Variants in SIRT5 observed in about 807,000 individuals in gnomAD.
SIRT5 encodes the protein NAD-dependent protein deacylase sirtuin-5, mitochondrial.
In SIRT5, 26 loss-of-function variants were observed where a neutral mutation model predicts 40.0. The ratio of observed to expected loss-of-function variants is 0.65; its 90% CI spans 0.48 to 0.90. SIRT5 has a LOEUF of 0.90. SIRT5 is among the 40% of genes least tolerant of loss of function. The pLI, the probability that SIRT5 is intolerant of heterozygous loss-of-function variation, is 0.00. For synonymous variants in SIRT5, 146 were observed against 149.1 expected (o/e 0.98, Z 0.15); for missense variants, 401 against 402.4 (o/e 1.00, Z 0.03).
At chr6:13,602,681 A>G (rs1762557747) in intron 9 of SIRT5, among the ~76,000 whole-genome samples, 1 of 152,216 alleles carries the variant, frequency 6.6e-6, no homozygotes, top group African/African-American at 2.4e-5. Flanking sequence ...GTGGCAAGAC[A>G]ATTTGATGAA....
intron 4 of SIRT5, among the ~76,000 whole-genome samples, chr6:13,591,101 A>G (rs1427190577): frequency 1.3e-5 from 2 of 151,180 alleles, no homozygotes; most frequent in Non-Finnish European, 3.0e-5. Context: ...GTGTGTGTGT[A>G]GATATGTGTA....
intron 5 of SIRT5, among the ~76,000 whole-genome samples, chr6:13,594,744 C>G (rs1046587161): frequency 6.6e-6 from 1 of 152,210 alleles, no homozygotes; most frequent in Non-Finnish European, 1.5e-5. Flanking sequence ...GACGGAGCAG[C>G]GCATGTCCAC....
At chr6:13,581,241 C>T (rs1272421075) in intron 2 of SIRT5, among the ~76,000 whole-genome samples, 3 of 152,212 alleles carry the variant, frequency 2.0e-5, no homozygotes, top group African/African-American at 7.2e-5. Flanking sequence ...CAGGATCCCA[C>T]GTAGCATTTA....
Position 13,584,119 on chromosome 6 carries a change from T to C in SIRT5, c.9T>C (p.Pro3=). 1 of 1,613,950 alleles carries C rather than the reference T, an allele frequency of 6.2e-7. No individual in the cohort carries two copies. Among genetic ancestry groups the C allele is most frequent in the Non-Finnish European group, 8.5e-7 (1 of 1,179,866 alleles). Residue 3 remains proline (P), a synonymous_variant, in exon 3 of 10, where the codon CCT becomes CCC. Coordinates refer to ENST00000606117, the MANE Select transcript of SIRT5 (RefSeq NM_012241.5). ...ACTACAGACAAACCCTGATGCGACC[T>C]CTCCAGATTGTCCCAAGTCGATTGA... is the stretch of plus-strand genomic sequence containing the variant. MR[P]LQIVPSRLIS...
chr6:13,605,659 C>T (rs199666567), intron 9 of SIRT5: 3 of 985,290 alleles, frequency 3.0e-6, no homozygotes, highest in Non-Finnish European at 3.6e-6. Flanking sequence ...TTGTCGTTTT[C>T]CCCATGTCCG....
intron 9 of SIRT5, among the ~76,000 whole-genome samples, chr6:13,609,535 C>T (rs886396012): frequency 6.6e-6 from 1 of 152,174 alleles, no homozygotes; most frequent in Non-Finnish European, 1.5e-5. Flanking sequence ...TTTAGATCAA[C>T]GTGGAATGTT....
In SIRT5 at chr6:13,591,999, G is replaced by A. The variant is rs573684257; in HGVS notation, c.475+105G>A. 43 of 1,067,386 alleles carry A rather than the reference G, an allele frequency of 4.0e-5. No individual in the cohort carries two copies. In the African/African-American group the frequency reaches 5.5e-4, roughly 14 times the overall value. 66.1% of individuals were successfully genotyped at this position (1,067,386 alleles called of 1,614,324 possible). A position where few individuals can be genotyped will look rare whatever the true frequency, so the allele number is the denominator to read the frequency against. On this transcript the variant is annotated intron_variant, in intron 5 of 9. Transcript: ENST00000606117. ...TTCCCTCCCTCCCTGCTGGACATCCGTCCTGTCCTATAGGATGCTGTGGCA... is the reference window on the plus strand; with the variant it reads ...TTCCCTCCCTCCCTGCTGGACATCCATCCTGTCCTATAGGATGCTGTGGCA...
chr6:13,596,984 A>G lies in SIRT5; in HGVS notation c.585A>G (p.Gln195=), dbSNP rs768515809. 1 of 1,612,520 alleles carries G rather than the reference A, an allele frequency of 6.2e-7. No individual in the cohort carries two copies. The highest frequency in any genetic ancestry group is 8.5e-7 in the Non-Finnish European group (1 of 1,179,622). The part of the protein sequence containing the change: ...SGKGAPEPGT[Q]DASIPVEKLP... ...TCAGTGCTCCAGAACCTGGAACTCA[A>G]GATGCCAGCATCCCAGTTGAGAAAC... Residue 195 remains glutamine, a synonymous_variant, in exon 7 of 10, where the codon CAA becomes CAG. Coordinates refer to ENST00000606117, the MANE Select transcript of SIRT5 (RefSeq NM_012241.5).
chr6:13,593,204 G>A (rs1466995016), intron 5 of SIRT5, among the ~76,000 whole-genome samples: 1 of 152,142 alleles, frequency 6.6e-6, no homozygotes, highest in Non-Finnish European at 1.5e-5. Context: ...GAGCCACTGT[G>A]CCAGCCAAAA....
intron 1 of SIRT5, among the ~76,000 whole-genome samples, chr6:13,576,025 A>G (rs1183792223): frequency 6.6e-6 from 1 of 152,198 alleles, no homozygotes. Flanking sequence ...CATTGTATAT[A>G]TGTGCCACAT....
chr6:13,607,979 C>G lies in SIRT5; in HGVS notation c.858-3811C>G, dbSNP rs1763344007. On this transcript the variant is annotated intron_variant, in intron 9 of 9. Transcript: ENST00000606117. The surrounding 1 kb of genome is among the most constrained non-coding windows in gnomAD (Gnocchi z 4.0). ...TTCACCACATTGCCCAGGCTGGTCT[C>G]AAACTACTGACATCAGGCAATCTGC... Among the ~76,000 whole-genome samples, 1 of 152,120 alleles carries G rather than the reference C, an allele frequency of 6.6e-6. No individual in the cohort carries two copies. The highest frequency in any genetic ancestry group is 2.4e-5 in the African/African-American group (1 of 41,416).
In SIRT5 at chr6:13,586,948, C is replaced by T. The variant is rs554021293; in HGVS notation, c.116-1383C>T. Among the ~76,000 whole-genome samples, 5 of 152,324 alleles carry T rather than the reference C, an allele frequency of 3.3e-5. No homozygotes were observed. In the South Asian group the frequency reaches 1.0e-3, roughly 32 times the overall value. On this transcript the variant is annotated intron_variant, in intron 3 of 9. Coordinates refer to ENST00000606117, the MANE Select transcript of SIRT5 (RefSeq NM_012241.5). ...CCATCCCACTATGTTTCTTCCTTGC[C>T]TGCTTCCTGCCTGTCCCTGGTTCCA...
At chr6:13,591,484 A>T (rs1208468083) in intron 4 of SIRT5, among the ~76,000 whole-genome samples, 185 bp from the exon 5 acceptor site, 1 of 152,206 alleles carries the variant, frequency 6.6e-6, no homozygotes, top group Admixed American at 6.5e-5. Context: ...CAGGATGGGG[A>T]CGTAGGCTGG....
chr6:13,603,538 C>T (rs548396942), intron 9 of SIRT5, among the ~76,000 whole-genome samples: 5 of 152,226 alleles, frequency 3.3e-5, no homozygotes, highest in African/African-American at 9.6e-5. Context: ...CAGCCACAAG[C>T]GTGGCTATAA....
At chr6:13,585,878 A>G (rs1209547582) in intron 3 of SIRT5, among the ~76,000 whole-genome samples, 1 of 152,050 alleles carries the variant, frequency 6.6e-6, no homozygotes, top group Non-Finnish European at 1.5e-5. Context: ...AAGTGTTCCT[A>G]TTTCTCCACA....
At chr6:13,591,925 A>G (rs1233693146) in intron 5 of SIRT5, 31 bp downstream of exon 5, 4 of 1,597,528 alleles carry the variant, frequency 2.5e-6, no homozygotes, top group Non-Finnish European at 3.4e-6. Context: ...CATTCAGGGA[A>G]CCAGCTTTAA....
intron 8 of SIRT5, among the ~76,000 whole-genome samples, chr6:13,599,485 T>C (rs1762080719): frequency 6.6e-6 from 1 of 152,202 alleles, no homozygotes; most frequent in Non-Finnish European, 1.5e-5. Flanking sequence ...TTAAATTTAA[T>C]TGAGAACATG....
intron 1 of SIRT5, among the ~76,000 whole-genome samples, chr6:13,575,314 T>G (rs542071882): frequency 9.9e-5 from 15 of 152,092 alleles, no homozygotes; most frequent in African/African-American, 3.4e-4. Flanking sequence ...AGTGATGAAC[T>G]GGGTCAGAGG....
chr6:13,588,474 G>A lies in SIRT5; in HGVS notation c.249+10G>A. ...AAAATGGCAAGCCCAGGTTTGTAAA[G>A]TTTCCAGAACATTAAAAGCCTCTGT... On this transcript the variant is annotated intron_variant, in intron 4 of 9. Transcript: ENST00000606117. 6.2e-7 allele frequency: 1 copy of A among 1,611,830 alleles called. No individual in the cohort carries two copies. The highest frequency in any genetic ancestry group is 8.5e-7 in the Non-Finnish European group (1 of 1,179,182).
Sources: allele counts gnomAD v4.1 joint callset (sites outside exome capture counted in the v4.1 genomes callset), GRCh38; gene constraint gnomAD v4.1.1; non-coding constraint Gnocchi (gnomAD v3.1); transcripts MANE v1.5; gene names NCBI Gene and HGNC (gene_info 2026-07-23, HGNC 2026-07-21).